The following TMEM132C variants were observed in gnomAD, a reference collection of about 807,000 sequenced individuals.
The protein encoded by TMEM132C is protein phosphatase 1, regulatory subunit 152.
TMEM132C carries 29 observed loss-of-function variants against 61.4 expected under a neutral mutation model. The observed-to-expected ratio is 0.47, with a 90% CI of 0.35 to 0.64. The LOEUF is 0.64. TMEM132C is among the 30% of genes least tolerant of loss of function. The pLI, the probability that TMEM132C is intolerant of heterozygous loss-of-function variation, is 0.00. For missense variants in TMEM132C, 1,408 were observed against 1,476.9 expected (o/e 0.95, Z 0.76); for synonymous variants, 656 against 633.1 (o/e 1.04, Z -0.54).
rs552829232 is a variant in TMEM132C, at chr12:128,505,020, C to T, written c.975-38937C>T. Among the ~76,000 whole-genome samples, 38 of 115,268 alleles carry T rather than the reference C, an allele frequency of 3.3e-4. No homozygotes were observed. The South Asian group carries it at 3.7e-3, about 11-fold the overall frequency. The allele number at this position is 115,268 out of a possible 152,430, so 75.6% of individuals were successfully genotyped here. On this transcript the variant is annotated intron_variant, in intron 2 of 8. Coordinates refer to ENST00000435159, the MANE Select transcript of TMEM132C (RefSeq NM_001136103.3). ...AGATTACTTACTACGTAAATATGAA[C>T]AAATCACTGAATATCTCATAGCCCT...
chr12:128,491,671 G>A (rs1351543764), intron 2 of TMEM132C, among the ~76,000 whole-genome samples: 1 of 152,006 alleles, frequency 6.6e-6, no homozygotes. Context: ...AGGGGCTTGC[G>A]GACCTGGTGC....
At chr12:128,413,874 T>C (rs1392807052) in intron 1 of TMEM132C, among the ~76,000 whole-genome samples, 1 of 152,196 alleles carries the variant, frequency 6.6e-6, no homozygotes, top group Non-Finnish European at 1.5e-5. Context: ...AAATTTATTA[T>C]TTTTTAAATT....
intron 1 of TMEM132C, among the ~76,000 whole-genome samples, chr12:128,355,516 A>G (rs1873474946): frequency 1.3e-5 from 2 of 152,024 alleles, no homozygotes; most frequent in South Asian, 4.2e-4. Context: ...GCCCTCAACC[A>G]CAGAGATCCT....
chr12:128,413,958 T>A (rs1868660385), intron 1 of TMEM132C, among the ~76,000 whole-genome samples: 1 of 152,260 alleles, frequency 6.6e-6, no homozygotes, highest in Non-Finnish European at 1.5e-5. Flanking sequence ...CCATGTTTTC[T>A]TTAGTGCTTG....
intron 1 of TMEM132C, among the ~76,000 whole-genome samples, chr12:128,269,829 A>C (rs575901257): frequency 6.6e-6 from 1 of 151,850 alleles, no homozygotes; most frequent in South Asian, 2.1e-4. Flanking sequence ...TTTAAAAAAA[A>C]AAAGCCATCT....
chr12:128,317,178 C>A (rs1593008662), intron 1 of TMEM132C, among the ~76,000 whole-genome samples: 1 of 152,288 alleles, frequency 6.6e-6, no homozygotes, highest in Middle Eastern at 3.4e-3. Flanking sequence ...GCACCAAATG[C>A]AGTTCTGTAC....
chr12:128,506,530 G>A (rs1293226368), intron 2 of TMEM132C, among the ~76,000 whole-genome samples: 1 of 152,170 alleles, frequency 6.6e-6, no homozygotes. Context: ...ATTTGAGGAG[G>A]ATGCAGAAGT....
rs985747952 is a variant in TMEM132C, at chr12:128,570,264, G to A, written c.1121+26161G>A. On this transcript the variant is annotated intron_variant, in intron 3 of 8. Transcript: ENST00000435159. This position sits in a 1 kb window ranked among gnomAD's most constrained non-coding sequence, Gnocchi z 4.7. Reference sequence around the variant, plus strand: ...GTCACATTGAGAAAAGATGCAAGACGCATTCTGACACTTAGGTGAAGCACA... The same window carrying A: ...GTCACATTGAGAAAAGATGCAAGACACATTCTGACACTTAGGTGAAGCACA... 6.6e-5 allele frequency among the ~76,000 whole-genome samples: 10 copies of A among 151,948 alleles called. No homozygotes were observed. Among genetic ancestry groups the A allele is most frequent in the East Asian group, 1.9e-4 (1 of 5,172 alleles).
chr12:128,382,798 T>TC (rs1259849913), intron 1 of TMEM132C, among the ~76,000 whole-genome samples: 3 of 152,248 alleles, frequency 2.0e-5, no homozygotes, highest in African/African-American at 7.2e-5. Flanking sequence ...AAAAGAGTGA[T>TC]CCTCTTGGTC....
chr12:128,461,281 G>A (rs975131992), intron 2 of TMEM132C, among the ~76,000 whole-genome samples: 2 of 152,148 alleles, frequency 1.3e-5, no homozygotes, highest in Non-Finnish European at 2.9e-5. Context: ...ACTGTGCACT[G>A]CAGGGAGCGT....
chr12:128,634,577 A>T (rs1255933481), intron 4 of TMEM132C, among the ~76,000 whole-genome samples: 1 of 152,254 alleles, frequency 6.6e-6, no homozygotes, highest in Non-Finnish European at 1.5e-5. Flanking sequence ...ACTTCCCTTT[A>T]TCAGAAAATA....
intron 2 of TMEM132C, among the ~76,000 whole-genome samples, chr12:128,481,550 G>A (rs528564820): frequency 2.6e-5 from 4 of 152,336 alleles, no homozygotes; most frequent in South Asian, 4.1e-4. Context: ...CCTGCCGTGC[G>A]GATGAGAGAG....
intron 1 of TMEM132C, among the ~76,000 whole-genome samples, chr12:128,304,523 C>T (rs529255668): frequency 5.3e-5 from 8 of 152,180 alleles, no homozygotes; most frequent in South Asian, 2.1e-4. Context: ...GCAGGAGAAT[C>T]GCTCGAACCC....
At chr12:128,356,408 C>T (rs1873506228) in intron 1 of TMEM132C, among the ~76,000 whole-genome samples, 1 of 152,172 alleles carries the variant, frequency 6.6e-6, no homozygotes, top group Non-Finnish European at 1.5e-5. Flanking sequence ...GAATTTGCAT[C>T]AATAAAACGC....
chr12:128,632,827 C>T (rs1954074290), intron 4 of TMEM132C, among the ~76,000 whole-genome samples: 1 of 152,194 alleles, frequency 6.6e-6, no homozygotes, highest in Non-Finnish European at 1.5e-5. Flanking sequence ...TTAAATCCTG[C>T]ATGGCTGCAT....
intron 2 of TMEM132C, among the ~76,000 whole-genome samples, chr12:128,491,852 C>CTT (rs113590302): frequency 2.8e-5 from 4 of 145,140 alleles, no homozygotes; most frequent in Non-Finnish European, 6.1e-5. Context: ...TGTATCAGTT[C>CTT]TTTTTTTTTT....
At chr12:128,343,448 T>G (rs1873045036) in intron 1 of TMEM132C, among the ~76,000 whole-genome samples, 1 of 151,760 alleles carries the variant, frequency 6.6e-6, no homozygotes, top group Non-Finnish European at 1.5e-5. Flanking sequence ...AGGAGCTGTC[T>G]TCTTCCTTAT....
chr12:128,451,896 T>C (rs907767841), intron 2 of TMEM132C, among the ~76,000 whole-genome samples: 2 of 151,962 alleles, frequency 1.3e-5, no homozygotes, highest in African/African-American at 4.8e-5. Flanking sequence ...TTACACTTTA[T>C]GGGTAGGTGG....
At chr12:128,542,514 C>T (rs2136146551) in intron 2 of TMEM132C, among the ~76,000 whole-genome samples, 1 of 152,212 alleles carries the variant, frequency 6.6e-6, no homozygotes, top group African/African-American at 2.4e-5. Flanking sequence ...CCACGTTGGC[C>T]AAGCTAATCT....
Sources: allele counts gnomAD v4.1 joint callset (sites outside exome capture counted in the v4.1 genomes callset), GRCh38; gene constraint gnomAD v4.1.1; non-coding constraint Gnocchi (gnomAD v3.1); transcripts MANE v1.5; gene names NCBI Gene and HGNC (gene_info 2026-07-23, HGNC 2026-07-21).